NGFR: variants seen among roughly 807,000 people sequenced by gnomAD.
The protein encoded by NGFR is nerve growth factor receptor, also known as tumor necrosis factor receptor superfamily member 16.
NGFR carries 30 observed loss-of-function variants against 43.2 expected under a neutral mutation model. The observed-to-expected ratio is 0.69, with a 90% CI of 0.52 to 0.94. The LOEUF is 0.94. NGFR is among the 40% of genes least tolerant of loss of function. The pLI is 0.00. For missense variants in NGFR, 529 were observed against 602.5 expected, an observed-to-expected ratio of 0.88 and a Z score of 1.28; for synonymous variants, 246 against 259.6, an observed-to-expected ratio of 0.95 and a Z score of 0.50.
intron 1 of NGFR, chr17:49,496,587 G>A (rs544593766): frequency 7.2e-5 from 11 of 152,368 alleles, no homozygotes; most frequent in East Asian, 5.8e-4. Context: ...GGGGCGCTGC[G>A]GGGCGAGGCA....
chr17:49,512,581 G>A lies in NGFR; in HGVS notation c.983-127G>A, dbSNP rs2071240568. 5.5e-6 allele frequency: 7 copies of A among 1,268,672 alleles called. No homozygotes were observed. Among genetic ancestry groups the A allele is most frequent in the Non-Finnish European group, 7.6e-6 (7 of 917,270 alleles). 78.6% of individuals were successfully genotyped at this position (1,268,672 alleles called of 1,614,324 possible). On this transcript the variant is annotated intron_variant, in intron 5 of 5. Coordinates refer to ENST00000172229, the MANE Select transcript of NGFR (RefSeq NM_002507.4). The surrounding 1 kb of genome is among the most constrained non-coding windows in gnomAD (Gnocchi z 5.2). Reference sequence around the variant, plus strand: ...TTCCTGGTGCCCCACCCAGGACCTTGTCTTGGCCCCAGGCCTCCAGATGGG... The same window carrying A: ...TTCCTGGTGCCCCACCCAGGACCTTATCTTGGCCCCAGGCCTCCAGATGGG...
rs1405653558 is a variant in NGFR at position 49,510,551 on chromosome 17, G to A, written c.708G>A (p.Met236Ile). The change falls in exon 4 of 6, where the codon ATG becomes ATA. Residue 236 changes from methionine to isoleucine, a missense_variant. By Grantham distance (10) the Met-to-Ile change is conservative (BLOSUM62 1). Coordinates refer to ENST00000172229, the MANE Select transcript of NGFR (RefSeq NM_002507.4). Reference sequence around the variant, plus strand: ...TGGCAGGTGTGGTGACCACAGTGATGGGCAGCTCCCAGCCCGTGGTGACCC... The same window carrying A: ...TGGCAGGTGTGGTGACCACAGTGATAGGCAGCTCCCAGCCCGTGGTGACCC... ...STVAGVVTTV[M>I]GSSQPVVTRG... 6.2e-7 allele frequency: 1 copy of A among 1,614,078 alleles called. No individual in the cohort carries two copies. The highest frequency in any genetic ancestry group is 1.3e-5 in the African/African-American group (1 of 75,020).
chr17:49,502,018 C>CCCCCCCCCAA, intron 1 of NGFR, 45 bp from the exon 2 acceptor site: 1 of 1,320,352 alleles, frequency 7.6e-7, no homozygotes, highest in East Asian at 2.7e-5. Context: ...CAACCCACCC[C>CCCCCCCCCAA]AGCTTTCTCT....
intron 3 of NGFR, 25 bp downstream of exon 3, chr17:49,506,683 GGA>G: frequency 2.5e-6 from 3 of 1,181,768 alleles, no homozygotes; most frequent in Non-Finnish European, 3.4e-6. Flanking sequence ...GGGGGCGGGG[GGA>G]GTGGGGGTGC....
chr17:49,500,248 A>T (rs907265080), intron 1 of NGFR, among the ~76,000 whole-genome samples: 5 of 152,210 alleles, frequency 3.3e-5, no homozygotes, highest in African/African-American at 7.2e-5. Flanking sequence ...GAAAAGCAAA[A>T]ATGATGAGGG....
In NGFR at chr17:49,513,236, T is replaced by G. The variant is rs1383483852; in HGVS notation, c.*227T>G. ...TCCTGTCCAGAGAGAGAAGTGCCCC[T>G]GCTGCCTCCCCAACCCTGCCCCTGC... On this transcript the variant is annotated 3_prime_UTR_variant, in exon 6 of 6. Transcript: ENST00000172229. 5 of 537,360 alleles carry G rather than the reference T, an allele frequency of 9.3e-6. No homozygotes were observed. Among genetic ancestry groups the G allele is most frequent in the Non-Finnish European group, 1.6e-5 (5 of 310,176 alleles). 33.3% of individuals were successfully genotyped at this position (537,360 alleles called of 1,614,324 possible).
At chr17:49,496,921 A>G (rs73986923) in intron 1 of NGFR, 1 of 152,202 alleles carries the variant, frequency 6.6e-6, no homozygotes, top group Non-Finnish European at 1.5e-5. Context: ...AAGGTCTGGC[A>G]ACGGAGGAGG....
rs1431879538 is a variant in NGFR at position 49,512,136 on chromosome 17, G to GT, written c.982+85dup. 1.3e-6 allele frequency: 2 copies of GT among 1,495,094 alleles called. No homozygotes were observed. The highest frequency in any genetic ancestry group is 4.9e-5 in the East Asian group (2 of 41,200). The allele number at this position is 1,495,094 out of a possible 1,614,324, so 92.6% of individuals were successfully genotyped here. ...TTAAGATTAGACTCCAGGAAGGACT[G>GT]TCGGGGGGGCGGCAGGGCTGGCTCA... is the stretch of plus-strand genomic sequence containing the variant. On this transcript the variant is annotated intron_variant, in intron 5 of 5. Coordinates refer to ENST00000172229, the MANE Select transcript of NGFR (RefSeq NM_002507.4). This position sits in a 1 kb window ranked among gnomAD's most constrained non-coding sequence, Gnocchi z 5.2.
chr17:49,510,685 G>A (rs370240320), intron 4 of NGFR, 21 bp downstream of exon 4: 30 of 1,607,198 alleles, frequency 1.9e-5, no homozygotes, highest in African/African-American at 1.5e-4. Context: ...GCACGGTGGC[G>A]ACAGAGAGGG....
At chr17:49,503,216 G>A (rs150421634) in intron 2 of NGFR, among the ~76,000 whole-genome samples, 4 of 151,558 alleles carry the variant, frequency 2.6e-5, no homozygotes, top group African/African-American at 7.3e-5. Flanking sequence ...CACCGTGCTC[G>A]ACCCTGCCTG....
In NGFR at chr17:49,512,141, G is replaced by T. The variant is rs3729670; in HGVS notation, c.982+89G>T. 5.4e-4 allele frequency: 790 copies of T among 1,471,462 alleles called. 5 individuals are homozygous for T. In the African/African-American group the frequency reaches 9.1e-3, roughly 17 times the overall value. The allele number at this position is 1,471,462 out of a possible 1,614,324, so 91.2% of individuals were successfully genotyped here. A position where few individuals can be genotyped will look rare whatever the true frequency, so the allele number is the denominator to read the frequency against. On this transcript the variant is annotated intron_variant, in intron 5 of 5. Coordinates refer to ENST00000172229, the MANE Select transcript of NGFR (RefSeq NM_002507.4). This position sits in a 1 kb window ranked among gnomAD's most constrained non-coding sequence, Gnocchi z 5.2. The stretch of plus-strand genomic sequence containing the variant: ...ATTAGACTCCAGGAAGGACTGTCGG[G>T]GGGGCGGCAGGGCTGGCTCAGCGGT...
chr17:49,506,173 G>A (rs2071195382), intron 2 of NGFR, 126 bp from the exon 3 acceptor site: 3 of 1,467,004 alleles, frequency 2.0e-6, no homozygotes, highest in South Asian at 1.5e-5. Flanking sequence ...GAGGGTGGGA[G>A]CCGATGAGAA....
chr17:49,502,000 A>AGCCGCCC, intron 1 of NGFR, 63 bp from the exon 2 acceptor site: 1 of 264,886 alleles, frequency 3.8e-6, no homozygotes. Flanking sequence ...CCCCGGAAGA[A>AGCCGCCC]CCCCCCCCAA....
Position 49,512,122 on chromosome 17 carries a change from C to A in NGFR, c.982+70C>A. On this transcript the variant is annotated intron_variant, in intron 5 of 5. Transcript: ENST00000172229. This position sits in a 1 kb window ranked among gnomAD's most constrained non-coding sequence, Gnocchi z 5.2. ...GGAAACAGAAGCAATTAAGATTAGACTCCAGGAAGGACTGTCGGGGGGGCG... is the reference window on the plus strand; with the variant it reads ...GGAAACAGAAGCAATTAAGATTAGAATCCAGGAAGGACTGTCGGGGGGGCG... 2 of 1,544,298 alleles carry A rather than the reference C, an allele frequency of 1.3e-6. No individual in the cohort carries two copies. Among genetic ancestry groups the A allele is most frequent in the Non-Finnish European group, 1.8e-6 (2 of 1,141,396 alleles).
chr17:49,496,706 C>G (rs2071140445), intron 1 of NGFR: 1 of 152,148 alleles, frequency 6.6e-6, no homozygotes. Flanking sequence ...TCCCGCGCCT[C>G]GAAGGGTCGG....
intron 3 of NGFR, among the ~76,000 whole-genome samples, chr17:49,507,803 A>G (rs1047415001): frequency 6.6e-6 from 1 of 152,182 alleles, no homozygotes; most frequent in Non-Finnish European, 1.5e-5. Flanking sequence ...GATGGGAGAG[A>G]TAGCCTTCGC....
chr17:49,506,589 T>A lies in NGFR; in HGVS notation c.499T>A (p.Cys167Ser). ...EANHVDPCLP[C>S]TVCEDTERQL... Reference sequence around the variant, plus strand: ...CAACCACGTGGACCCGTGCCTGCCCTGCACCGTGTGCGAGGACACCGAGCG... The same window carrying A: ...CAACCACGTGGACCCGTGCCTGCCCAGCACCGTGTGCGAGGACACCGAGCG... Residue 167 changes from cysteine (C) to serine (S), a missense_variant, in exon 3 of 6, where the codon TGC becomes AGC. By Grantham distance (112) the Cys-to-Ser change is moderately radical. Transcript: ENST00000172229. 1 of 1,609,446 alleles carries A rather than the reference T, an allele frequency of 6.2e-7. No individual in the cohort carries two copies. The highest frequency in any genetic ancestry group is 8.5e-7 in the Non-Finnish European group (1 of 1,178,738).
intron 1 of NGFR, chr17:49,496,403 C>T (rs989842774): frequency 2.6e-5 from 4 of 152,318 alleles, no homozygotes; most frequent in African/African-American, 9.6e-5. Context: ...TCCTCCGACG[C>T]GCGTGTTCTC....
chr17:49,511,519 G>GTTTT (rs761370884), intron 4 of NGFR, among the ~76,000 whole-genome samples: 2 of 141,452 alleles, frequency 1.4e-5, no homozygotes, highest in Admixed American at 7.0e-5. Flanking sequence ...ATGGACATTT[G>GTTTT]TTTTTTTTTT....
Sources: allele counts gnomAD v4.1 joint callset (sites outside exome capture counted in the v4.1 genomes callset), GRCh38; gene constraint gnomAD v4.1.1; non-coding constraint Gnocchi (gnomAD v3.1); transcripts MANE v1.5; gene names NCBI Gene and HGNC (gene_info 2026-07-23, HGNC 2026-07-21).